The following CLTCL1 variants were observed in gnomAD, a reference collection of about 807,000 sequenced individuals.
CLTCL1 encodes clathrin heavy chain 2.
In CLTCL1, 159 loss-of-function variants were observed where a neutral mutation model predicts 190.0. The ratio of observed to expected loss-of-function variants is 0.84; its 90% CI spans 0.74 to 0.95. The LOEUF is 0.95. CLTCL1 is among the 40% of genes least tolerant of loss of function. CLTCL1 has a pLI of 0.00. For missense variants in CLTCL1, 1,878 were observed against 2,033.4 expected (o/e 0.92, Z 1.47); for synonymous variants, 752 against 769.6 (o/e 0.98, Z 0.38).
intron 19 of CLTCL1, among the ~76,000 whole-genome samples, chr22:19,214,612 A>C (rs1198968471): frequency 6.6e-6 from 1 of 151,880 alleles, no homozygotes; most frequent in African/African-American, 2.4e-5. Flanking sequence ...GGTTTCTGTG[A>C]CTGGCTTAAG....
At chr22:19,181,504 G>C (rs1258197851) in intron 30 of CLTCL1, 1 of 152,458 alleles carries the variant, frequency 6.6e-6, no homozygotes, top group Non-Finnish European at 1.5e-5. Flanking sequence ...GAGAAATGAG[G>C]AGGAAGCAGG....
In CLTCL1 at chr22:19,211,637, G is replaced by T. The variant is rs557703887; in HGVS notation, c.3066-1128C>A. Among the ~76,000 whole-genome samples, 14 of 152,018 alleles carry T rather than the reference G, an allele frequency of 9.2e-5. No individual in the cohort carries two copies. In the East Asian group the frequency reaches 2.1e-3, roughly 23 times the overall value. ...AAAAAATTAGCTGGGCGTGGTGGCAGGCGCCTGTAGTCCCAGCTACTGGGG... is the reference window on the plus strand; with the variant it reads ...AAAAAATTAGCTGGGCGTGGTGGCATGCGCCTGTAGTCCCAGCTACTGGGG... On this transcript the variant is annotated intron_variant, in intron 19 of 32. Transcript: ENST00000427926.
intron 2 of CLTCL1, chr22:19,257,879 GA>G (rs1555973518): frequency 1.4e-6 from 2 of 1,394,578 alleles, no homozygotes; most frequent in Non-Finnish European, 1.9e-6. Flanking sequence ...TGGAGAAGAA[GA>G]GACCCCAGGT....
In CLTCL1 at chr22:19,239,260, G is replaced by T; in HGVS notation, c.795+15C>A. On this transcript the variant is annotated intron_variant, in intron 5 of 32. Transcript: ENST00000427926. Reference sequence around the variant, plus strand: ...TTTAGGACATGAAGATGTTTAGAGAGCAGCACATTCGTACCTGCATAGCCA... The same window carrying T: ...TTTAGGACATGAAGATGTTTAGAGATCAGCACATTCGTACCTGCATAGCCA... The T allele has an allele frequency of 2.5e-6, 4 of 1,573,590 alleles. No individual in the cohort carries two copies. Among genetic ancestry groups the T allele is most frequent in the Non-Finnish European group, 3.5e-6 (4 of 1,143,062 alleles).
At chr22:19,205,688 T>G (rs1265281185) in intron 22 of CLTCL1, among the ~76,000 whole-genome samples, 1 of 152,228 alleles carries the variant, frequency 6.6e-6, no homozygotes, top group Non-Finnish European at 1.5e-5. Flanking sequence ...TAAAACTCTA[T>G]AGCTATATTT....
chr22:19,192,938 G>A (rs1460391521), intron 26 of CLTCL1, among the ~76,000 whole-genome samples: 2 of 152,224 alleles, frequency 1.3e-5, no homozygotes, highest in Non-Finnish European at 2.9e-5. Flanking sequence ...TCAGCAGCAG[G>A]GCCAGGACAT....
At chr22:19,261,199 GCCTC>G (rs1431751255) in intron 2 of CLTCL1, among the ~76,000 whole-genome samples, 42 of 151,282 alleles carry the variant, frequency 2.8e-4, no homozygotes, top group African/African-American at 1.0e-3. Flanking sequence ...TGCAAGCTCC[GCCTC>G]CCGGGTTCAC....
chr22:19,224,052 G>A lies in CLTCL1; in HGVS notation c.2131C>T (p.Leu711Phe). Residue 711 changes from leucine (L) to phenylalanine (F), a missense_variant and splice_region_variant, in exon 14 of 33, where the codon CTC (leucine) becomes TTC (phenylalanine). By Grantham distance (22) the Leu-to-Phe change is conservative. Transcript: ENST00000427926. ...LFESFKSYKG[L>F]FYFLGSIVNF... ...ACGATTGAGCCCAGGAAGTAGAAGAGGCCTATGAAGAGAGACCATTCCATT... is the reference window on the plus strand; with the variant it reads ...ACGATTGAGCCCAGGAAGTAGAAGAAGCCTATGAAGAGAGACCATTCCATT... 1 of 1,613,930 alleles carries A rather than the reference G, an allele frequency of 6.2e-7. No individual in the cohort carries two copies. The highest frequency in any genetic ancestry group is 8.5e-7 in the Non-Finnish European group (1 of 1,179,874).
chr22:19,210,238 C>G, intron 20 of CLTCL1, 88 bp downstream of exon 20: 1 of 1,291,520 alleles, frequency 7.7e-7, no homozygotes, highest in South Asian at 1.4e-5. Context: ...GAGGGTCTGA[C>G]ACCCTTGGAG....
Position 19,219,827 on chromosome 22 carries a change from C to T in CLTCL1, c.2919+58G>A, listed in dbSNP as rs9617780. 6.9e-4 allele frequency: 1,103 copies of T among 1,603,818 alleles called. 3 individuals are homozygous for T. In the African/African-American group the frequency reaches 9.7e-3, roughly 14 times the overall value. ...AAAATGAAACCAGTCACTTGAGCCA[C>T]AATGATGATCGGACGGCAAAATGCA... On this transcript the variant is annotated intron_variant, in intron 18 of 32. Coordinates refer to ENST00000427926, the MANE Select transcript of CLTCL1 (RefSeq NM_007098.4).
intron 1 of CLTCL1, among the ~76,000 whole-genome samples, chr22:19,276,930 C>T (rs985554901): frequency 3.3e-5 from 5 of 152,116 alleles, no homozygotes; most frequent in African/African-American, 9.7e-5. Flanking sequence ...CCTTGGCCTC[C>T]CAAAGCGCTG....
Position 19,199,831 on chromosome 22 carries a change from G to T in CLTCL1, c.3776C>A (p.Ala1259Asp). Residue 1259 changes from alanine (A) to aspartate (D), a missense_variant, in exon 24 of 33, where the codon GCC (alanine) becomes GAC (aspartate). Ala to Asp is a moderately radical substitution (Grantham distance 126, BLOSUM62 -2). Coordinates refer to ENST00000427926, the MANE Select transcript of CLTCL1 (RefSeq NM_007098.4). ...STRTWKEVCF[A>D]CMDGQEFRFA... ...GCGGAACTCTTGTCCATCCATGCAG[G>T]CAAAGCACACCTAGGGGACGGAGGG... 6.3e-7 allele frequency: 1 copy of T among 1,592,808 alleles called. No individual in the cohort carries two copies. Among genetic ancestry groups the T allele is most frequent in the Non-Finnish European group, 8.5e-7 (1 of 1,170,036 alleles).
At chr22:19,213,079 A>G (rs1312890431) in intron 19 of CLTCL1, among the ~76,000 whole-genome samples, 13 of 152,266 alleles carry the variant, frequency 8.5e-5, no homozygotes. Flanking sequence ...CACATATCCA[A>G]CAAAGGACTT....
At chr22:19,195,229 T>A (rs1555934750) in intron 26 of CLTCL1, among the ~76,000 whole-genome samples, 1 of 152,178 alleles carries the variant, frequency 6.6e-6, no homozygotes, top group African/African-American at 2.4e-5. Context: ...CAGTAAGGTA[T>A]GACCTGGCCG....
At chr22:19,246,666 G>A (rs552893130) in intron 3 of CLTCL1, among the ~76,000 whole-genome samples, 175 of 152,132 alleles carry the variant, frequency 1.2e-3, no homozygotes, top group Non-Finnish European at 2.1e-3. Context: ...ACTAGAGATG[G>A]GGTTTCTCCA....
Position 19,216,105 on chromosome 22 carries a change from C to T in CLTCL1, c.3065+6G>A, listed in dbSNP as rs782639020. 3 of 1,613,222 alleles carry T rather than the reference C, an allele frequency of 1.9e-6. No individual in the cohort carries two copies. The South Asian group carries it at 3.3e-5, about 18-fold the overall frequency. The stretch of plus-strand genomic sequence containing the variant: ...GTGTCCACAGCTACCCCTGGCATAG[C>T]CTCACCTGTGCTCGCTGAAGACAGA... On this transcript the variant is annotated splice_donor_region_variant and intron_variant, in intron 19 of 32. Transcript: ENST00000427926.
Position 19,201,417 on chromosome 22 carries a change from C to T in CLTCL1, c.3677G>A (p.Arg1226His), listed in dbSNP as rs782332441. The T allele has an allele frequency of 1.4e-5, 23 of 1,613,794 alleles. No homozygotes were observed. In the East Asian group the frequency reaches 1.6e-4, roughly 11 times the overall value. The change falls in exon 23 of 33, where the codon CGC becomes CAC. Residue 1226 changes from arginine to histidine, a missense_variant. By Grantham distance (29) the Arg-to-His change is conservative (BLOSUM62 0). Coordinates refer to ENST00000427926, the MANE Select transcript of CLTCL1 (RefSeq NM_007098.4). Reference sequence around the variant, plus strand: ...GAGGTGAACCAAGGTGGAAGCCAGGCGGGCAAAGTTAGAAACATTGCTATA... The same window carrying T: ...GAGGTGAACCAAGGTGGAAGCCAGGTGGGCAAAGTTAGAAACATTGCTATA... ...LLYSNVSNFA[R>H]LASTLVHLGE...
intron 20 of CLTCL1, 114 bp from the exon 21 acceptor site, chr22:19,209,228 A>G: frequency 1.1e-6 from 1 of 886,406 alleles, no homozygotes; most frequent in Non-Finnish European, 1.7e-6. Flanking sequence ...ATTTCACTTC[A>G]GTCAGAAGCA....
rs566069622 is a variant in CLTCL1, at chr22:19,196,145, A to T, written c.4191+121T>A. The T allele has an allele frequency of 2.5e-5, 24 of 978,278 alleles. No homozygotes were observed. In the East Asian group the frequency reaches 3.9e-4, roughly 16 times the overall value. The allele number at this position is 978,278 out of a possible 1,614,324, so 60.6% of individuals were successfully genotyped here. On this transcript the variant is annotated intron_variant, in intron 26 of 32. Transcript: ENST00000427926. ...AGAGGGTGGTGGACTCATACAAGTG[A>T]ACGCACACACAGCATGGGGGCATGC...
Sources: allele counts gnomAD v4.1 joint callset (sites outside exome capture counted in the v4.1 genomes callset), GRCh38; gene constraint gnomAD v4.1.1; transcripts MANE v1.5; gene names NCBI Gene and HGNC (gene_info 2026-07-23, HGNC 2026-07-21).